PTPRJ: variants seen among roughly 807,000 people sequenced by gnomAD.
PTPRJ encodes protein tyrosine phosphatase receptor type J, also known as receptor-type tyrosine-protein phosphatase eta.
PTPRJ carries 129 observed loss-of-function variants against 141.3 expected under a neutral mutation model. The observed-to-expected ratio is 0.91, with a 90% CI of 0.79 to 1.06. The LOEUF (loss-of-function observed/expected upper bound fraction) is 1.06. PTPRJ is among the 50% of genes least tolerant of loss of function. PTPRJ has a pLI of 0.00. For missense variants in PTPRJ, 1,601 were observed against 1,679.7 expected (o/e 0.95, Z 0.82); for synonymous variants, 610 against 640.5 (o/e 0.95, Z 0.72).
At chr11:48,144,175 C>A (rs1349826201) in intron 12 of PTPRJ, among the ~76,000 whole-genome samples, 1 of 152,148 alleles carries the variant, frequency 6.6e-6, no homozygotes, top group African/African-American at 2.4e-5. Flanking sequence ...GTGCCATAAC[C>A]TGTGGCAAAA....
At chr11:48,048,550 T>A (rs1854467373) in intron 1 of PTPRJ, among the ~76,000 whole-genome samples, 1 of 152,178 alleles carries the variant, frequency 6.6e-6, no homozygotes, top group African/African-American at 2.4e-5. Flanking sequence ...TCTCAGCACT[T>A]TGGGAGGCTG....
chr11:48,102,957 G>T (rs1008655116), intron 1 of PTPRJ, among the ~76,000 whole-genome samples: 4 of 152,136 alleles, frequency 2.6e-5, no homozygotes, highest in Non-Finnish European at 4.4e-5. Flanking sequence ...GGTACTGGGT[G>T]TTCTGGGTTG....
In PTPRJ at chr11:48,153,407, G is replaced by A. The variant is rs527423459; in HGVS notation, c.3139-389G>A. On this transcript the variant is annotated intron_variant, in intron 18 of 24. Coordinates refer to ENST00000418331, the MANE Select transcript of PTPRJ (RefSeq NM_002843.4). ...AAATTAGCCAGGCGTGGTGGTGGGCGTCTGTAGTCCCAGCTACTCGGGAGG... is the reference window on the plus strand; with the variant it reads ...AAATTAGCCAGGCGTGGTGGTGGGCATCTGTAGTCCCAGCTACTCGGGAGG... Among the ~76,000 whole-genome samples the A allele has an allele frequency of 9.5e-5, 14 of 147,820 alleles. No homozygotes were observed. The South Asian group carries it at 1.3e-3, about 14-fold the overall frequency.
chr11:48,023,994 AAAAAAT>A (rs1338291635), intron 1 of PTPRJ, among the ~76,000 whole-genome samples: 1 of 151,878 alleles, frequency 6.6e-6, no homozygotes, highest in Non-Finnish European at 1.5e-5. Context: ...GATGGAAGTG[AAAAAAT>A]AAAAATATAT....
chr11:47,987,775 G>A (rs1311623607), intron 1 of PTPRJ, among the ~76,000 whole-genome samples: 1 of 152,162 alleles, frequency 6.6e-6, no homozygotes, highest in Non-Finnish European at 1.5e-5. Flanking sequence ...GGGGCTGTAG[G>A]AAGTTTGTTA....
intron 6 of PTPRJ, among the ~76,000 whole-genome samples, chr11:48,126,775 AACACACACACACACAC>A (rs10599361): frequency 6.7e-4 from 92 of 137,214 alleles, no homozygotes; most frequent in Middle Eastern, 3.7e-3. Context: ...AGTCTGTTGC[AACACACACACACACAC>A]ACACACACAC....
At position 48,145,103 on chromosome 11, in the gene PTPRJ, G is replaced by C. The variant is rs771706196; in HGVS notation, c.2890G>C (p.Val964Leu). 4 of 1,614,126 alleles carry C rather than the reference G, an allele frequency of 2.5e-6. No homozygotes were observed. The highest frequency in any genetic ancestry group is 1.1e-5 in the South Asian group (1 of 91,082). The stretch of plus-strand genomic sequence containing the variant: ...GTCCTTCAGTCGCTACTCAGATGCT[G>C]TTTCCTTGCCCCAGGATCCAGGTAG... Reference protein sequence around the residue: ...YVSFSRYSDAVSLPQDPGVIC... With the variant: ...YVSFSRYSDALSLPQDPGVIC... Residue 964 changes from valine (V) to leucine (L), a missense_variant, in exon 14 of 25, where the codon GTT becomes CTT. Transcript: ENST00000418331.
At chr11:48,081,794 T>G (rs1443862988) in intron 1 of PTPRJ, among the ~76,000 whole-genome samples, 2 of 152,144 alleles carry the variant, frequency 1.3e-5, no homozygotes, top group African/African-American at 2.4e-5. Context: ...TCATAAAGCT[T>G]CTTTCTTCTC....
intron 14 of PTPRJ, among the ~76,000 whole-genome samples, chr11:48,145,410 C>T (rs1306573687): frequency 1.3e-5 from 2 of 152,052 alleles, no homozygotes; most frequent in Non-Finnish European, 2.9e-5. Flanking sequence ...ACTTGTGGGC[C>T]CATATGCCAG....
At chr11:48,083,011 T>G (rs1261254305) in intron 1 of PTPRJ, among the ~76,000 whole-genome samples, 2 of 152,190 alleles carry the variant, frequency 1.3e-5, no homozygotes, top group African/African-American at 4.8e-5. Flanking sequence ...TGAGATGACC[T>G]CTGAGGTTTA....
chr11:48,011,175 A>G (rs937125341), intron 1 of PTPRJ, among the ~76,000 whole-genome samples: 14 of 152,170 alleles, frequency 9.2e-5, no homozygotes, highest in African/African-American at 3.4e-4. Flanking sequence ...GCTTTGTAAG[A>G]CATTTAATCT....
intron 11 of PTPRJ, among the ~76,000 whole-genome samples, chr11:48,140,011 A>G (rs1049553732): frequency 2.0e-5 from 3 of 152,150 alleles, no homozygotes; most frequent in Non-Finnish European, 4.4e-5. Flanking sequence ...TTTACAGCAT[A>G]ACTCATTGCC....
At chr11:48,134,168 A>G (rs1029653163) in intron 8 of PTPRJ, among the ~76,000 whole-genome samples, 2 of 152,170 alleles carry the variant, frequency 1.3e-5, no homozygotes, top group African/African-American at 2.4e-5. Context: ...TTCTAACCCA[A>G]CTGAATTCCT....
At position 48,139,684 on chromosome 11, in the gene PTPRJ, A is replaced by T. The variant is rs776551380; in HGVS notation, c.2351A>T (p.Asn784Ile). The change falls in exon 11 of 25, where the codon AAT (asparagine) becomes ATT (isoleucine). Residue 784 changes from asparagine to isoleucine, a missense_variant. Asn to Ile is a moderately radical substitution (Grantham distance 149). Coordinates refer to ENST00000418331, the MANE Select transcript of PTPRJ (RefSeq NM_002843.4). ...TEYRTEVTYL[N>I]FSTSYNISIT... Reference sequence around the variant, plus strand: ...TATAGAACGGAAGTCACGTATTTGAATTTTTCTACCTCGTACAACATCAGC... The same window carrying T: ...TATAGAACGGAAGTCACGTATTTGATTTTTTCTACCTCGTACAACATCAGC... 6.2e-7 allele frequency: 1 copy of T among 1,614,014 alleles called. No homozygotes were observed. Among genetic ancestry groups the T allele is most frequent in the Non-Finnish European group, 8.5e-7 (1 of 1,179,994 alleles).
chr11:48,083,573 T>C (rs944017220), intron 1 of PTPRJ, among the ~76,000 whole-genome samples: 2 of 152,266 alleles, frequency 1.3e-5, no homozygotes, highest in Non-Finnish European at 2.9e-5. Context: ...GCTTCATTTT[T>C]TTCCACTAGT....
At chr11:48,063,574 TG>T (rs376001786) in intron 1 of PTPRJ, among the ~76,000 whole-genome samples, 60 of 152,302 alleles carry the variant, frequency 3.9e-4, no homozygotes, top group African/African-American at 1.4e-3. Flanking sequence ...AACAGGCTGC[TG>T]GGGGGTGGCC....
At chr11:48,011,809 A>G (rs1854798506) in intron 1 of PTPRJ, among the ~76,000 whole-genome samples, 1 of 152,106 alleles carries the variant, frequency 6.6e-6, no homozygotes, top group Non-Finnish European at 1.5e-5. Flanking sequence ...CCACAGGCAC[A>G]TGTCACCACA....
At chr11:48,159,161 G>GTGTGTGTGTTTA (rs60389100) in intron 21 of PTPRJ, among the ~76,000 whole-genome samples, 1,576 of 130,606 alleles carry the variant, frequency 0.012, 26 homozygotes, top group East Asian at 0.042. Flanking sequence ...GTGTGTGTGT[G>GTGTGTGTGTTTA]GTCATTTGCC....
intron 1 of PTPRJ, among the ~76,000 whole-genome samples, chr11:48,074,406 C>A (rs1443170337): frequency 6.6e-6 from 1 of 152,136 alleles, no homozygotes; most frequent in Admixed American, 6.5e-5. Context: ...TATATCATGA[C>A]TGAATTTGTA....
Sources: allele counts gnomAD v4.1 joint callset (sites outside exome capture counted in the v4.1 genomes callset), GRCh38; gene constraint gnomAD v4.1.1; transcripts MANE v1.5; gene names NCBI Gene and HGNC (gene_info 2026-07-23, HGNC 2026-07-21).